TENM3: variants seen among roughly 807,000 people sequenced by gnomAD.
TENM3 encodes teneurin transmembrane protein 3, also known as teneurin-3.
A neutral mutation model predicts 255.1 loss-of-function variants in TENM3; 63 were observed. The ratio of observed to expected loss-of-function variants is 0.25; its 90% confidence interval spans 0.20 to 0.30. TENM3 has a LOEUF of 0.30. Among genes scored for constraint, TENM3 ranks in the 10% least tolerant of loss-of-function variants. The pLI, the probability that TENM3 is intolerant of heterozygous loss-of-function variation, is 1.00. For synonymous variants in TENM3, 1,306 were observed against 1,322.3 expected (o/e 0.99, Z 0.27); for missense variants, 2,929 against 3,461.1 (o/e 0.85, Z 3.86).
At position 182,680,349 on chromosome 4, in the gene TENM3, G is replaced by T. The variant is rs1295409809; in HGVS notation, c.1639G>T (p.Ala547Ser). 6.2e-7 allele frequency: 1 copy of T among 1,604,516 alleles called. No homozygotes were observed. The highest frequency in any genetic ancestry group is 2.2e-5 in the East Asian group (1 of 44,766). The change falls in exon 9 of 28, where the codon GCC (alanine) becomes TCC (serine). Residue 547 changes from alanine (A) to serine (S), a missense_variant and splice_region_variant. Coordinates refer to ENST00000511685, the MANE Select transcript of TENM3 (RefSeq NM_001080477.4). The stretch of plus-strand genomic sequence containing the variant: ...ATTTCTGGGTCCGGATTGTTCAAGA[G>T]GTATGCAAGTTAGATTCTTCTCTTA... ...PGFLGPDCSR[A>S]ACPVLCSGNG...
At chr4:182,020,409 AG>A in the TENM3 span, among the ~76,000 whole-genome samples, 5 of 152,058 alleles carry the variant, frequency 3.3e-5, no homozygotes, top group Admixed American at 2.0e-4. Flanking sequence ...TCTGGGGGAA[AG>A]GGGGAATAGA....
At chr4:181,467,125 A>ATATATATTTTTTTTTTTTT in the TENM3 span, among the ~76,000 whole-genome samples, 2 of 17,620 alleles carry the variant, frequency 1.1e-4, no homozygotes, top group Non-Finnish European at 2.2e-4. Context: ...ATATATATAT[A>ATATATATTTTTTTTTTTTT]TTTTTTTTTT....
chr4:182,094,896 A>G, the TENM3 span, among the ~76,000 whole-genome samples: 1 of 151,922 alleles, frequency 6.6e-6, no homozygotes, highest in East Asian at 1.9e-4. Context: ...AAGGAACACT[A>G]GAGCTTATAA....
At chr4:182,126,711 T>C in the TENM3 span, among the ~76,000 whole-genome samples, 1 of 152,176 alleles carries the variant, frequency 6.6e-6, no homozygotes, top group Non-Finnish European at 1.5e-5. Flanking sequence ...TGCTGTACTA[T>C]GCATTGATTC....
chr4:182,540,919 T>TA (rs934020266), intron 3 of TENM3, among the ~76,000 whole-genome samples: 163 of 152,252 alleles, frequency 1.1e-3, no homozygotes, highest in African/African-American at 3.8e-3. Context: ...ATGTGAAACA[T>TA]ACATAGATCA....
Position 182,721,144 on chromosome 4 carries a change from C to T in TENM3, c.2368+6911C>T, listed in dbSNP as rs138460321. ...CTTAAGAATGTGGACGTGGGCACTG[C>T]GTGGCATCTCTTTAGAAACAGGCCT... On this transcript the variant is annotated intron_variant, in intron 13 of 27. Transcript: ENST00000511685. 5.6e-3 allele frequency among the ~76,000 whole-genome samples: 854 copies of T among 152,156 alleles called. 10 individuals carry two copies. The highest frequency in any genetic ancestry group is 0.019 in the African/African-American group (805 of 41,518).
the TENM3 span, among the ~76,000 whole-genome samples, chr4:181,666,553 A>G: frequency 1.3e-5 from 2 of 152,210 alleles, no homozygotes; most frequent in Non-Finnish European, 2.9e-5. Context: ...GGCCAACTCT[A>G]TAACTAGAAA....
At chr4:181,699,964 AT>A in the TENM3 span, among the ~76,000 whole-genome samples, 2 of 152,134 alleles carry the variant, frequency 1.3e-5, no homozygotes, top group African/African-American at 2.4e-5. Flanking sequence ...AGGTAGGCCT[AT>A]TTTTTTGTTT....
chr4:182,238,450 T>G (rs956439236), upstream of TENM3, among the ~76,000 whole-genome samples: 12 of 152,158 alleles, frequency 7.9e-5, no homozygotes, highest in Non-Finnish European at 1.8e-4. Flanking sequence ...ACCTGCCCTA[T>G]CCACCCAGCC....
chr4:181,534,818 C>T, the TENM3 span, among the ~76,000 whole-genome samples: 2 of 152,174 alleles, frequency 1.3e-5, no homozygotes, highest in African/African-American at 4.8e-5. Flanking sequence ...ATATCTTAGG[C>T]AGGTCCCATA....
At chr4:181,808,693 C>T in the TENM3 span, among the ~76,000 whole-genome samples, 1 of 152,190 alleles carries the variant, frequency 6.6e-6, no homozygotes, top group Non-Finnish European at 1.5e-5. Flanking sequence ...AGCAAGTGAG[C>T]AGCTCGGAAG....
the TENM3 span, among the ~76,000 whole-genome samples, chr4:182,007,707 C>A: frequency 6.6e-6 from 1 of 152,104 alleles, no homozygotes; most frequent in Non-Finnish European, 1.5e-5. Flanking sequence ...TTAATTGGGG[C>A]ATTTAGCCCA....
chr4:182,695,532 A>G (rs939361274), intron 12 of TENM3, among the ~76,000 whole-genome samples: 3 of 152,176 alleles, frequency 2.0e-5, no homozygotes, highest in Non-Finnish European at 4.4e-5. Context: ...TGGGATATGC[A>G]TATGAGGTGT....
chr4:181,984,019 C>T, the TENM3 span, among the ~76,000 whole-genome samples: 1 of 151,902 alleles, frequency 6.6e-6, no homozygotes, highest in Non-Finnish European at 1.5e-5. Context: ...GCAATTCTGC[C>T]CTCTTAGTGA....
rs1561153492 is a variant in TENM3, at chr4:182,161,802, T to TACACATATATATGTATATATAC, written c.-76+17069_-76+17070insCACACATATATATGTATATATA. 1.1e-4 allele frequency among the ~76,000 whole-genome samples: 5 copies of TACACATATATATGTATATATAC among 45,992 alleles called. 1 individual carries two copies. The highest frequency in any genetic ancestry group is 5.1e-4 in the African/African-American group (5 of 9,756). The allele number at this position is 45,992 out of a possible 152,430, so 30.2% of individuals were successfully genotyped here. On this transcript the variant is annotated intron_variant, in intron 1 of 2. Coordinates refer to the TENM3 transcript ENST00000512480. The stretch of plus-strand genomic sequence containing the variant: ...ATATACACAAATATATGTATATATA[T>TACACATATATATGTATATATAC]ACACATATATATGTATATATATACA...
chr4:182,461,990 C>G (rs1173453653), intron 3 of TENM3, among the ~76,000 whole-genome samples: 4 of 152,058 alleles, frequency 2.6e-5, no homozygotes, highest in Admixed American at 2.6e-4. Context: ...AACTCTTACC[C>G]TAAATTCTTC....
intron 19 of TENM3, chr4:182,744,284 C>G (rs6835335): frequency 0.74 from 388,851 of 522,196 alleles, 147,532 homozygotes; most frequent in East Asian, 0.91. Context: ...CAGTATCACA[C>G]ATCATCGAAG....
chr4:182,615,405 A>G (rs1749409205), intron 4 of TENM3, among the ~76,000 whole-genome samples: 1 of 152,214 alleles, frequency 6.6e-6, no homozygotes, highest in Admixed American at 6.5e-5. Flanking sequence ...TAAAGTATCA[A>G]CTAGATTTAC....
the TENM3 span, among the ~76,000 whole-genome samples, chr4:181,766,967 C>G: frequency 8.9e-3 from 1,357 of 151,760 alleles, 19 homozygotes; most frequent in African/African-American, 0.031. Flanking sequence ...AACTTAAAAC[C>G]AGAGGCCGGG....
Sources: gnomAD v4.1 joint callset for allele counts (sites outside exome capture counted in the v4.1 genomes callset) on GRCh38, gnomAD v4.1.1 for gene constraint, MANE v1.5 for transcripts, NCBI Gene and HGNC (gene_info 2026-07-23, HGNC 2026-07-21) for gene names.